The following GRIN2B variants were observed in gnomAD, a reference collection of about 807,000 sequenced individuals.
The protein encoded by GRIN2B is glutamate ionotropic receptor NMDA type subunit 2B, also known as glutamate receptor ionotropic, NMDA 2B.
A neutral mutation model predicts 114.5 loss-of-function variants in GRIN2B; 5 were observed. The observed-to-expected ratio is 0.04, with a 90% CI of 0.02 to 0.09. The LOEUF is 0.09. GRIN2B is among the 10% of genes least tolerant of loss of function. The pLI is 1.00. For missense variants in GRIN2B, 1,108 were observed against 1,943.5 expected (o/e 0.57, Z 8.08); for synonymous variants, 787 against 745.1 (o/e 1.06, Z -0.92).
rs574541345 is a variant in GRIN2B at position 13,940,453 on chromosome 12, C to T, written c.-19+39475G>A. On this transcript the variant is annotated intron_variant, in intron 2 of 13. Coordinates refer to ENST00000609686, the MANE Select transcript of GRIN2B (RefSeq NM_000834.5). The stretch of plus-strand genomic sequence containing the variant: ...TCTCCTTGGCGCACACACACACACA[C>T]GCACACACACGTACACATGCAAACA... 4.6e-5 allele frequency among the ~76,000 whole-genome samples: 7 copies of T among 152,106 alleles called. No individual in the cohort carries two copies. The South Asian group carries it at 6.2e-4, about 14-fold the overall frequency.
intron 3 of GRIN2B, among the ~76,000 whole-genome samples, chr12:13,766,592 T>C (rs1281588241): frequency 6.6e-6 from 1 of 152,242 alleles, no homozygotes; most frequent in Non-Finnish European, 1.5e-5. Context: ...AGCTACAGTC[T>C]AAATGAATTA....
At chr12:13,625,055 T>C (rs1180185497) in intron 5 of GRIN2B, among the ~76,000 whole-genome samples, 2 of 152,164 alleles carry the variant, frequency 1.3e-5, no homozygotes, top group African/African-American at 4.8e-5. Flanking sequence ...TTAGAGTAAT[T>C]AGAGCCATTA....
chr12:13,778,611 C>T (rs1009517898), intron 3 of GRIN2B, among the ~76,000 whole-genome samples: 1 of 151,842 alleles, frequency 6.6e-6, no homozygotes, highest in Non-Finnish European at 1.5e-5. Context: ...AGTTCCTTAT[C>T]TTAACAACTG....
At chr12:13,675,205 A>G (rs918100093) in intron 5 of GRIN2B, among the ~76,000 whole-genome samples, 1 of 152,130 alleles carries the variant, frequency 6.6e-6, no homozygotes, top group Non-Finnish European at 1.5e-5. Context: ...TTTGTCTAAG[A>G]TCCTACATAG....
intron 4 of GRIN2B, among the ~76,000 whole-genome samples, chr12:13,715,248 G>C (rs1339948850): frequency 6.6e-6 from 1 of 151,812 alleles, no homozygotes; most frequent in Non-Finnish European, 1.5e-5. Context: ...AAGCCTCTCC[G>C]TTATCATCAC....
In GRIN2B at chr12:13,702,808, C is replaced by T. The variant is rs116025438; in HGVS notation, c.1011-26949G>A. On this transcript the variant is annotated intron_variant, in intron 4 of 13. Coordinates refer to ENST00000609686, the MANE Select transcript of GRIN2B (RefSeq NM_000834.5). Reference sequence around the variant, plus strand: ...CATTTGCTCTCCCTTCCTGTCATACCACATGTTTATGTGCTTGTCAAACTC... The same window carrying T: ...CATTTGCTCTCCCTTCCTGTCATACTACATGTTTATGTGCTTGTCAAACTC... 2.0e-3 allele frequency among the ~76,000 whole-genome samples: 301 copies of T among 152,236 alleles called. 1 individual carries two copies. Among genetic ancestry groups the T allele is most frequent in the African/African-American group, 6.8e-3 (283 of 41,544 alleles).
chr12:13,922,810 T>A (rs1277124099), intron 2 of GRIN2B, among the ~76,000 whole-genome samples: 2 of 152,056 alleles, frequency 1.3e-5, no homozygotes, highest in African/African-American at 4.8e-5. Context: ...GTGGATAAAA[T>A]CTCCATGGAA....
intron 2 of GRIN2B, among the ~76,000 whole-genome samples, chr12:13,978,713 C>T (rs964236953): frequency 5.3e-5 from 8 of 152,158 alleles, no homozygotes; most frequent in Admixed American, 2.6e-4. Flanking sequence ...CATTTAGACG[C>T]CTTCAGAGTT....
At chr12:13,729,182 T>C (rs1463504761) in intron 4 of GRIN2B, among the ~76,000 whole-genome samples, 1 of 152,228 alleles carries the variant, frequency 6.6e-6, no homozygotes. Flanking sequence ...GAAAACAAAA[T>C]ATGCTAACAA....
chr12:13,548,628 A>G lies in GRIN2B; in HGVS notation c.*14155T>C, dbSNP rs956691183. The G allele has an allele frequency of 1.3e-5, 2 of 152,132 alleles. No individual in the cohort carries two copies. Among genetic ancestry groups the G allele is most frequent in the African/African-American group, 4.8e-5 (2 of 41,432 alleles). The allele number at this position is 152,132 out of a possible 1,614,324, so 9.4% of individuals were successfully genotyped here. On this transcript the variant is annotated 3_prime_UTR_variant, in exon 14 of 14. Transcript: ENST00000609686. ...CAGGTATCTGTAATGACACTCATGA[A>G]AAAGATGAAGTCACCACGGAGTCAA...
chr12:13,671,206 T>C (rs750074946), intron 5 of GRIN2B, among the ~76,000 whole-genome samples: 80 of 152,158 alleles, frequency 5.3e-4, no homozygotes, highest in Admixed American at 1.8e-3. Flanking sequence ...TGACTACCAA[T>C]TGACATTTGT....
At chr12:13,740,952 A>C (rs1402711680) in intron 4 of GRIN2B, among the ~76,000 whole-genome samples, 1 of 152,198 alleles carries the variant, frequency 6.6e-6, no homozygotes, top group Non-Finnish European at 1.5e-5. Flanking sequence ...TGTGTCCTGG[A>C]TGCCACTCCC....
At chr12:13,943,909 TCTCGCCTG>T (rs763419978) in intron 2 of GRIN2B, among the ~76,000 whole-genome samples, 48 of 152,196 alleles carry the variant, frequency 3.2e-4, no homozygotes, top group Non-Finnish European at 5.4e-4. Flanking sequence ...AGTGACCTGG[TCTCGCCTG>T]CTCACTGATG....
intron 4 of GRIN2B, among the ~76,000 whole-genome samples, chr12:13,679,395 T>G (rs1370534955): frequency 1.3e-5 from 2 of 152,188 alleles, no homozygotes; most frequent in Non-Finnish European, 2.9e-5. Context: ...ATGAGCAATG[T>G]AATTGGTCTG....
chr12:13,850,107 G>A (rs1288547410), intron 3 of GRIN2B, among the ~76,000 whole-genome samples: 1 of 152,154 alleles, frequency 6.6e-6, no homozygotes, highest in Admixed American at 6.6e-5. Context: ...AACACTGACT[G>A]GTAAAGATTT....
At chr12:13,761,101 C>G (rs1863673289) in intron 3 of GRIN2B, among the ~76,000 whole-genome samples, 2 of 152,148 alleles carry the variant, frequency 1.3e-5, no homozygotes, top group Admixed American at 1.3e-4. Flanking sequence ...AAATGCCAGA[C>G]CCATTCTTTC....
intron 5 of GRIN2B, among the ~76,000 whole-genome samples, chr12:13,622,745 A>G (rs1300069730): frequency 1.3e-5 from 2 of 152,102 alleles, no homozygotes; most frequent in Admixed American, 1.3e-4. Flanking sequence ...TGTGAGAGAG[A>G]GAGCAGGAGA....
chr12:13,683,842 T>C (rs1247050609), intron 4 of GRIN2B: 1 of 152,166 alleles, frequency 6.6e-6, no homozygotes, highest in Non-Finnish European at 1.5e-5. Flanking sequence ...TAGTTGTTAT[T>C]ATTATTACCT....
intron 4 of GRIN2B, among the ~76,000 whole-genome samples, chr12:13,749,916 A>T (rs1300786939): frequency 6.6e-6 from 1 of 152,164 alleles, no homozygotes; most frequent in Non-Finnish European, 1.5e-5. Flanking sequence ...ATTTGGATGG[A>T]GAGGAAGGAA....
Sources: gnomAD v4.1 joint callset for allele counts (sites outside exome capture counted in the v4.1 genomes callset) on GRCh38, gnomAD v4.1.1 for gene constraint, MANE v1.5 for transcripts, NCBI Gene and HGNC (gene_info 2026-07-23, HGNC 2026-07-21) for gene names.